Variants in THSD4 observed in about 807,000 individuals in gnomAD.
THSD4 encodes the protein thrombospondin type 1 domain containing 4.
Under a neutral mutation model 119.0 loss-of-function variants are expected in THSD4, and 69 were observed. The ratio of observed to expected loss-of-function variants is 0.58; its 90% CI spans 0.48 to 0.71. The LOEUF (loss-of-function observed/expected upper bound fraction) is 0.71. Among genes scored for constraint, THSD4 ranks in the 30% least tolerant of loss-of-function variants. The probability of loss-of-function intolerance (pLI) is 0.00; values close to 1 mark genes in which losing one functional copy is unlikely to be tolerated. For missense variants in THSD4, 1,393 were observed against 1,391.1 expected, an observed-to-expected ratio of 1.00 and a Z score of -0.02; for synonymous variants, 524 against 540.4, an observed-to-expected ratio of 0.97 and a Z score of 0.42.
chr15:71,620,728 A>G (rs754449159), intron 7 of THSD4, among the ~76,000 whole-genome samples: 2 of 152,220 alleles, frequency 1.3e-5, no homozygotes, highest in Non-Finnish European at 2.9e-5. Context: ...GATAGATTCA[A>G]CCTGCACATA....
chr15:71,753,763 T>C (rs2053489988), intron 14 of THSD4, among the ~76,000 whole-genome samples: 1 of 152,268 alleles, frequency 6.6e-6, no homozygotes, highest in South Asian at 2.1e-4. Flanking sequence ...ACAGGCTTCC[T>C]GGACCAGGTC....
chr15:71,530,657 C>A (rs925720593), intron 7 of THSD4, among the ~76,000 whole-genome samples: 1 of 152,110 alleles, frequency 6.6e-6, no homozygotes, highest in African/African-American at 2.4e-5. Context: ...GATCTGTCCT[C>A]CAAAATATCT....
chr15:71,445,891 A>G (rs2047174096), intron 7 of THSD4, among the ~76,000 whole-genome samples: 1 of 152,228 alleles, frequency 6.6e-6, no homozygotes, highest in South Asian at 2.1e-4. Context: ...TAAGCATGGG[A>G]CAAATTTTGC....
At chr15:71,411,588 T>A in intron 6 of THSD4, 99 bp from the exon 7 acceptor site, 1 of 1,336,330 alleles carries the variant, frequency 7.5e-7, no homozygotes, top group Non-Finnish European at 1.0e-6. Flanking sequence ...CAAATTTTTC[T>A]CAATAAAAAT....
intron 4 of THSD4, among the ~76,000 whole-genome samples, chr15:71,227,839 T>G (rs1207812554): frequency 3.3e-5 from 5 of 152,188 alleles, no homozygotes; most frequent in African/African-American, 1.2e-4. Context: ...GGCCTGCCTG[T>G]TGGTTCTCAG....
At chr15:71,097,494 A>G (rs1271393138) in intron 1 of THSD4, among the ~76,000 whole-genome samples, 3 of 151,260 alleles carry the variant, frequency 2.0e-5, no homozygotes, top group African/African-American at 7.3e-5. Flanking sequence ...TGAGCCTACG[A>G]GGTCAAGGTT....
At chr15:71,206,313 C>A (rs28589485) in intron 3 of THSD4, among the ~76,000 whole-genome samples, 18,360 of 152,092 alleles carry the variant, frequency 0.12, 1,619 homozygotes, top group African/African-American at 0.25. Context: ...CGCCCGGCCA[C>A]GTTTGGAGAT....
chr15:71,194,174 C>G (rs1398332379), intron 3 of THSD4, among the ~76,000 whole-genome samples: 1 of 152,146 alleles, frequency 6.6e-6, no homozygotes, highest in African/African-American at 2.4e-5. Flanking sequence ...TCATAAATTC[C>G]CAGTCTCGGG....
intron 7 of THSD4, among the ~76,000 whole-genome samples, chr15:71,504,542 T>A (rs572796007): frequency 6.6e-6 from 1 of 152,336 alleles, no homozygotes; most frequent in South Asian, 2.1e-4. Flanking sequence ...ATGGAGCCAG[T>A]GGTTAAAGCC....
intron 8 of THSD4, among the ~76,000 whole-genome samples, chr15:71,688,763 GAA>G (rs1277092297): frequency 1.3e-5 from 2 of 150,902 alleles, no homozygotes; most frequent in African/African-American, 4.9e-5. Context: ...GCAAGAGAGA[GAA>G]GAGAGAGAGG....
chr15:71,165,387 T>C, intron 3 of THSD4: 2 of 1,498,536 alleles, frequency 1.3e-6, no homozygotes, highest in Non-Finnish European at 9.2e-7. Context: ...ACATTTTGCC[T>C]CTCAGCTTCT....
At chr15:71,374,341 G>A (rs772287974) in intron 6 of THSD4, among the ~76,000 whole-genome samples, 8 of 152,320 alleles carry the variant, frequency 5.3e-5, no homozygotes, top group Non-Finnish European at 1.0e-4. Flanking sequence ...ATGCATCAGG[G>A]TGTGCTATCT....
chr15:71,555,877 A>G (rs147056239), intron 7 of THSD4, among the ~76,000 whole-genome samples: 2 of 152,294 alleles, frequency 1.3e-5, no homozygotes, highest in African/African-American at 2.4e-5. Context: ...CATATTGGCA[A>G]TGAGTTACTA....
At chr15:71,608,280 A>ACT (rs2050155668) in intron 7 of THSD4, among the ~76,000 whole-genome samples, 1 of 147,118 alleles carries the variant, frequency 6.8e-6, no homozygotes, top group Non-Finnish European at 1.5e-5. Flanking sequence ...ACACACACAC[A>ACT]CACTCATTGT....
intron 7 of THSD4, among the ~76,000 whole-genome samples, chr15:71,564,555 T>C (rs890624348): frequency 2.0e-5 from 3 of 150,626 alleles, no homozygotes; most frequent in Non-Finnish European, 3.0e-5. Context: ...CCCAAAACCC[T>C]TGAGACTCAG....
At chr15:71,745,715 G>A (rs2053323622) in intron 12 of THSD4, among the ~76,000 whole-genome samples, 1 of 152,218 alleles carries the variant, frequency 6.6e-6, no homozygotes, top group South Asian at 2.1e-4. Flanking sequence ...GCAGTGGCAC[G>A]ATCTCAGCAA....
chr15:71,346,126 C>CTT (rs34403930), intron 6 of THSD4, among the ~76,000 whole-genome samples: 97,255 of 151,830 alleles, frequency 0.64, 31,708 homozygotes, highest in East Asian at 0.81. Flanking sequence ...TGTCGCATCT[C>CTT]TGGTCTCCTT....
At chr15:71,307,483 C>G (rs1976722) in intron 6 of THSD4, among the ~76,000 whole-genome samples, 142,519 of 152,300 alleles carry the variant, frequency 0.94, 67,161 homozygotes, top group East Asian at 1. Context: ...ACTTAAAAAC[C>G]CATTCAGGCC....
intron 7 of THSD4, among the ~76,000 whole-genome samples, chr15:71,510,142 T>A (rs866563436): frequency 1.3e-5 from 2 of 152,296 alleles, no homozygotes; most frequent in South Asian, 2.1e-4. Flanking sequence ...GGTAGAAAGT[T>A]GTTGCATTGA....
Sources: allele counts gnomAD v4.1 joint callset (sites outside exome capture counted in the v4.1 genomes callset), GRCh38; gene constraint gnomAD v4.1.1; transcripts MANE v1.5; gene names NCBI Gene and HGNC (gene_info 2026-07-23, HGNC 2026-07-21).